The following BAG3 variants were observed in gnomAD, a reference collection of about 807,000 sequenced individuals.
The protein encoded by BAG3 is BAG family molecular chaperone regulator 3.
BAG3 carries 14 observed loss-of-function variants against 40.5 expected under a neutral mutation model. The observed-to-expected ratio is 0.35, with a 90% CI of 0.23 to 0.54. BAG3 has a LOEUF of 0.54. Ranked by LOEUF, BAG3 falls within the 20% of genes least tolerant of loss-of-function variation. BAG3 has a pLI of 0.91. For missense variants in BAG3, 788 were observed against 758.6 expected (o/e 1.04, Z -0.46); for synonymous variants, 302 against 307.8 (o/e 0.98, Z 0.20).
In BAG3 at chr10:119,672,307, G is replaced by T. The variant is rs1414505890; in HGVS notation, c.560G>T (p.Ser187Ile). ...SDCSSSSSSA[S>I]LPSSGRSSLG... ...TGCTCATCCTCATCCTCCTCGGCCAGCCTGCCTTCCTCCGGCAGGAGCAGC... is the reference window on the plus strand; with the variant it reads ...TGCTCATCCTCATCCTCCTCGGCCATCCTGCCTTCCTCCGGCAGGAGCAGC... Residue 187 changes from serine (S) to isoleucine (I), a missense_variant, in exon 3 of 4, where the codon AGC (serine) becomes ATC (isoleucine). Transcript: ENST00000369085. This position sits in a 1 kb window ranked among gnomAD's most constrained non-coding sequence, Gnocchi z 4.8. 1 of 1,613,980 alleles carries T rather than the reference G, an allele frequency of 6.2e-7. No individual in the cohort carries two copies. Among genetic ancestry groups the T allele is most frequent in the Non-Finnish European group, 8.5e-7 (1 of 1,180,016 alleles).
chr10:119,670,570 G>C (rs1847137127), intron 2 of BAG3, among the ~76,000 whole-genome samples: 1 of 152,212 alleles, frequency 6.6e-6, no homozygotes, highest in Non-Finnish European at 1.5e-5. Context: ...CTATTCAGAA[G>C]CACAGAGATA....
intron 3 of BAG3, among the ~76,000 whole-genome samples, chr10:119,674,570 G>T (rs1847193538): frequency 1.3e-5 from 2 of 152,096 alleles, no homozygotes; most frequent in South Asian, 4.2e-4. Context: ...TTTTAAGCTG[G>T]GAATAGTTTA....
At chr10:119,657,864 T>C (rs564993213) in intron 1 of BAG3, among the ~76,000 whole-genome samples, 7 of 152,304 alleles carry the variant, frequency 4.6e-5, no homozygotes, top group African/African-American at 1.7e-4. Flanking sequence ...AAGAGTCTCT[T>C]AAAAATTTTT....
intron 1 of BAG3, among the ~76,000 whole-genome samples, chr10:119,660,635 C>T (rs760830036): frequency 7.9e-5 from 12 of 151,884 alleles, no homozygotes; most frequent in African/African-American, 1.7e-4. Context: ...CACTTGAGCC[C>T]GGGAGTTCGA....
rs886046756 is a variant in BAG3 at position 119,677,221 on chromosome 10, C to A, written c.1667C>A (p.Ala556Glu). The A allele has an allele frequency of 3.7e-6, 6 of 1,614,032 alleles. No individual in the cohort carries two copies. The highest frequency in any genetic ancestry group is 4.2e-6 in the Non-Finnish European group (5 of 1,180,048). ...GAAACCCAGCAGCCAGAAGCCACAG[C>A]AGCAGCGACTTCAAACCCCAGCAGC... ...HTETQQPEAT[A>E]AATSNPSSMT... Residue 556 changes from alanine (A) to glutamate (E), a missense_variant, in exon 4 of 4, where the codon GCA becomes GAA. Coordinates refer to ENST00000369085, the MANE Select transcript of BAG3 (RefSeq NM_004281.4).
At chr10:119,667,643 A>G (rs1847085052) in intron 1 of BAG3, among the ~76,000 whole-genome samples, 1 of 152,096 alleles carries the variant, frequency 6.6e-6, no homozygotes, top group Non-Finnish European at 1.5e-5. Flanking sequence ...CTGCCCCCTT[A>G]GCCCATCTTC....
chr10:119,672,118 T>C lies in BAG3; in HGVS notation c.508-137T>C, dbSNP rs1349673216. The C allele has an allele frequency of 1.6e-6, 2 of 1,271,716 alleles. No individual in the cohort carries two copies. The highest frequency in any genetic ancestry group is 2.2e-6 in the Non-Finnish European group (2 of 892,380). The allele number at this position is 1,271,716 out of a possible 1,614,324, so 78.8% of individuals were successfully genotyped here. A position where few individuals can be genotyped will look rare whatever the true frequency, so the allele number is the denominator to read the frequency against. On this transcript the variant is annotated intron_variant, in intron 2 of 3. Coordinates refer to ENST00000369085, the MANE Select transcript of BAG3 (RefSeq NM_004281.4). The surrounding 1 kb of genome is among the most constrained non-coding windows in gnomAD (Gnocchi z 4.8). ...AGCTCTCAGTCTTAACCGCACATTTTGAAAATTGAAAATTACAGATAGGAG... is the reference window on the plus strand; with the variant it reads ...AGCTCTCAGTCTTAACCGCACATTTCGAAAATTGAAAATTACAGATAGGAG...
intron 1 of BAG3, among the ~76,000 whole-genome samples, chr10:119,661,053 T>C (rs1846985215): frequency 6.7e-6 from 1 of 148,294 alleles, no homozygotes; most frequent in East Asian, 2.0e-4. Context: ...AGATCATGCC[T>C]TTGGACTCCA....
chr10:119,663,179 C>T (rs974675661), intron 1 of BAG3, among the ~76,000 whole-genome samples: 4 of 152,206 alleles, frequency 2.6e-5, no homozygotes, highest in African/African-American at 7.2e-5. Flanking sequence ...ATGTGCCTGG[C>T]GTACGCCTCT....
rs1014742367 is a variant in BAG3, at chr10:119,672,979, C to T, written c.909+323C>T. Among the ~76,000 whole-genome samples the T allele has an allele frequency of 6.6e-6, 1 of 152,140 alleles. No individual in the cohort carries two copies. The highest frequency in any genetic ancestry group is 2.4e-5 in the African/African-American group (1 of 41,430). ...TCCACCACACCCTTTCAGGGCTCTTCACACCCCCATCCACACCGCAGCCAC... is the reference window on the plus strand; with the variant it reads ...TCCACCACACCCTTTCAGGGCTCTTTACACCCCCATCCACACCGCAGCCAC... On this transcript the variant is annotated intron_variant, in intron 3 of 3. Coordinates refer to ENST00000369085, the MANE Select transcript of BAG3 (RefSeq NM_004281.4). The surrounding 1 kb of genome is among the most constrained non-coding windows in gnomAD (Gnocchi z 4.8).
Position 119,676,820 on chromosome 10 carries a change from G to A in BAG3, c.1266G>A (p.Val422=). 6.2e-7 allele frequency: 1 copy of A among 1,614,192 alleles called. No individual in the cohort carries two copies. The highest frequency in any genetic ancestry group is 8.5e-7 in the Non-Finnish European group (1 of 1,180,030). Residue 422 remains valine (V), a synonymous_variant, in exon 4 of 4, where the codon GTG becomes GTA. Transcript: ENST00000369085. ...AGGCTCCCCCAAAACATCCAGGAGT[G>A]CTGAAAGTGGAAGCCATCCTGGAGA... ...EAEAPPKHPG[V]LKVEAILEKV... is the part of the protein sequence containing the mutation.
chr10:119,651,409 T>C lies in BAG3; in HGVS notation c.-267T>C, dbSNP rs1846835735. 10 of 365,406 alleles carry C rather than the reference T, an allele frequency of 2.7e-5. No homozygotes were observed. The highest frequency in any genetic ancestry group is 4.4e-5 in the Non-Finnish European group (9 of 206,664). 22.6% of individuals were successfully genotyped at this position (365,406 alleles called of 1,614,324 possible). On this transcript the variant is annotated 5_prime_UTR_variant, in exon 1 of 4. Coordinates refer to ENST00000369085, the MANE Select transcript of BAG3 (RefSeq NM_004281.4). ...CCAACCCCGGGCCGCGGCCAACTTC[T>C]CTGGACTGGACCAGAAGTTTCTAGC...
chr10:119,673,170 A>G (rs1259241144), intron 3 of BAG3, among the ~76,000 whole-genome samples: 1 of 152,226 alleles, frequency 6.6e-6, no homozygotes, highest in Non-Finnish European at 1.5e-5. Flanking sequence ...GGGACGAGCC[A>G]GTCTTGTCTC....
chr10:119,677,400 C>T lies in BAG3; in HGVS notation c.*118C>T. 4 of 1,303,408 alleles carry T rather than the reference C, an allele frequency of 3.1e-6. No individual in the cohort carries two copies. The highest frequency in any genetic ancestry group is 4.4e-6 in the Non-Finnish European group (4 of 919,468). The allele number at this position is 1,303,408 out of a possible 1,614,324, so 80.7% of individuals were successfully genotyped here. A position where few individuals can be genotyped will look rare whatever the true frequency, so the allele number is the denominator to read the frequency against. On this transcript the variant is annotated 3_prime_UTR_variant, in exon 4 of 4. Coordinates refer to ENST00000369085, the MANE Select transcript of BAG3 (RefSeq NM_004281.4). The stretch of plus-strand genomic sequence containing the variant: ...TTATTAGCTGCTTGGTATGCAGTAA[C>T]TTGGGTGGAGGCAAAACACTAATAA...
At chr10:119,669,714 G>T (rs1014802589) in intron 1 of BAG3, 137 bp from the exon 2 acceptor site, 1 of 894,240 alleles carries the variant, frequency 1.1e-6, no homozygotes, top group Non-Finnish European at 1.8e-6. Flanking sequence ...AGGGTACAGG[G>T]GCTGGGAGCT....
chr10:119,652,594 A>T lies in BAG3; in HGVS notation c.180+739A>T, dbSNP rs573699201. Among the ~76,000 whole-genome samples the T allele has an allele frequency of 2.0e-5, 3 of 152,328 alleles. No individual in the cohort carries two copies. The East Asian group carries it at 5.8e-4, about 29-fold the overall frequency. ...TAGAGATCTAGACTAGAGATCTGAG[A>T]CTGTCTTACAGTTGGCCATTGCCTT... On this transcript the variant is annotated intron_variant, in intron 1 of 3. Coordinates refer to ENST00000369085, the MANE Select transcript of BAG3 (RefSeq NM_004281.4).
chr10:119,655,914 G>A (rs1397334820), intron 1 of BAG3, among the ~76,000 whole-genome samples: 3 of 152,072 alleles, frequency 2.0e-5, no homozygotes, highest in Non-Finnish European at 4.4e-5. Flanking sequence ...GCCAGGGCTG[G>A]GAAGGCTTAA....
intron 1 of BAG3, among the ~76,000 whole-genome samples, chr10:119,665,091 TTTGTGTGTGTG>T (rs1847041600): frequency 4.5e-4 from 25 of 55,100 alleles, no homozygotes; most frequent in South Asian, 1.7e-3. Context: ...CTAATTTTTG[TTTGTGTGTGTG>T]TGTGTGTGTG....
intron 1 of BAG3, among the ~76,000 whole-genome samples, chr10:119,663,999 A>G (rs2134059156): frequency 6.6e-6 from 1 of 152,258 alleles, no homozygotes; most frequent in South Asian, 2.1e-4. Flanking sequence ...TGCAGCTGAG[A>G]AAACGAAAGT....
Sources: allele counts gnomAD v4.1 joint callset (sites outside exome capture counted in the v4.1 genomes callset), GRCh38; gene constraint gnomAD v4.1.1; non-coding constraint Gnocchi (gnomAD v3.1); transcripts MANE v1.5; gene names NCBI Gene and HGNC (gene_info 2026-07-23, HGNC 2026-07-21).